Variants in ARIH1 observed in about 807,000 individuals in gnomAD.
ARIH1 encodes the protein E3 ubiquitin-protein ligase ARIH1.
ARIH1 carries 8 observed loss-of-function variants against 85.0 expected under a neutral mutation model. The observed-to-expected ratio is 0.09, with a 90% CI of 0.06 to 0.17. The LOEUF (loss-of-function observed/expected upper bound fraction) is 0.17, where lower values mean the gene tolerates loss of function less well. Among genes scored for constraint, ARIH1 ranks in the 10% least tolerant of loss-of-function variants. The pLI is 1.00. For missense variants in ARIH1, 311 were observed against 718.1 expected (o/e 0.43, Z 6.48); for synonymous variants, 238 against 253.6 (o/e 0.94, Z 0.59).
At chr15:72,566,299 A>G in intron 7 of ARIH1, 1 of 427,552 alleles carries the variant, frequency 2.3e-6, no homozygotes, top group East Asian at 4.2e-5. Context: ...CACCTTAGCA[A>G]CAATTATTAT....
At chr15:72,517,437 T>G (rs951168331) in intron 1 of ARIH1, among the ~76,000 whole-genome samples, 1 of 152,094 alleles carries the variant, frequency 6.6e-6, no homozygotes, top group African/African-American at 2.4e-5. Context: ...AAATTTTTTT[T>G]TTTTTGAGTC....
At position 72,479,022 on chromosome 15, in the gene ARIH1, A is replaced by G. The variant is rs528506355; in HGVS notation, c.375+4008A>G. On this transcript the variant is annotated intron_variant, in intron 1 of 13. Coordinates refer to ENST00000379887, the MANE Select transcript of ARIH1 (RefSeq NM_005744.5). ...CTAGCTAATTTTTTTTCTTTTTTGTAGAGACACAGGGTCTTGCTCTGTTGC... is the reference window on the plus strand; with the variant it reads ...CTAGCTAATTTTTTTTCTTTTTTGTGGAGACACAGGGTCTTGCTCTGTTGC... Among the ~76,000 whole-genome samples, 11 of 151,934 alleles carry G rather than the reference A, an allele frequency of 7.2e-5. No individual in the cohort carries two copies. In the South Asian group the frequency reaches 1.7e-3, roughly 23 times the overall value.
intron 1 of ARIH1, among the ~76,000 whole-genome samples, chr15:72,512,170 A>G (rs2063953614): frequency 6.6e-6 from 1 of 151,848 alleles, no homozygotes; most frequent in Non-Finnish European, 1.5e-5. Context: ...GGAAATTGGG[A>G]AGTGGTCCCT....
intron 3 of ARIH1, among the ~76,000 whole-genome samples, chr15:72,546,526 G>A (rs1329116238): frequency 2.6e-5 from 4 of 151,772 alleles, no homozygotes; most frequent in African/African-American, 9.7e-5. Flanking sequence ...GCCTTGCTCT[G>A]TTGTCTAGGC....
At chr15:72,498,474 G>C (rs574459371) in intron 1 of ARIH1, among the ~76,000 whole-genome samples, 1 of 152,140 alleles carries the variant, frequency 6.6e-6, no homozygotes, top group African/African-American at 2.4e-5. Context: ...TGTAAAGAAG[G>C]CTGAGTGTTT....
chr15:72,515,387 CT>C (rs1302783986), intron 1 of ARIH1, among the ~76,000 whole-genome samples: 5 of 152,042 alleles, frequency 3.3e-5, no homozygotes, highest in African/African-American at 1.2e-4. Context: ...CTTTAAAAGT[CT>C]TTGATAATTG....
chr15:72,555,210 C>T, intron 3 of ARIH1, 61 bp from the exon 4 acceptor site: 1 of 1,261,496 alleles, frequency 7.9e-7, no homozygotes, highest in Non-Finnish European at 1.2e-6. Flanking sequence ...TGTTGAGTCA[C>T]TGTTTATAGT....
intron 5 of ARIH1, among the ~76,000 whole-genome samples, chr15:72,560,278 G>C (rs560653722): frequency 6.6e-6 from 1 of 152,280 alleles, no homozygotes; most frequent in Non-Finnish European, 1.5e-5. Context: ...AGATGTTTAA[G>C]GTGCCATGAG....
At chr15:72,500,389 C>A (rs1311347150) in intron 1 of ARIH1, among the ~76,000 whole-genome samples, 9 of 152,134 alleles carry the variant, frequency 5.9e-5, no homozygotes, top group African/African-American at 1.2e-4. Flanking sequence ...CACTTTATGA[C>A]TTTATTTATT....
At chr15:72,564,443 T>A (rs1448839209) in intron 7 of ARIH1, among the ~76,000 whole-genome samples, 1 of 152,216 alleles carries the variant, frequency 6.6e-6, no homozygotes, top group East Asian at 1.9e-4. Flanking sequence ...ATTGAGGCAT[T>A]CCCTGCACTT....
rs556640790 is a variant in ARIH1 at position 72,587,466 on chromosome 15, A to G, written c.*4174A>G. The G allele has an allele frequency of 1.3e-4, 35 of 277,920 alleles. No individual in the cohort carries two copies. Among genetic ancestry groups the G allele is most frequent in the Non-Finnish European group, 2.0e-4 (28 of 141,730 alleles). The allele number at this position is 277,920 out of a possible 1,614,324, so 17.2% of individuals were successfully genotyped here. ...TAGTATGATTTGCTTAATAGTACCC[A>G]AGTAATTTGCAGTTGTTGGTTTAGT... On this transcript the variant is annotated 3_prime_UTR_variant, in exon 14 of 14. Transcript: ENST00000379887.
chr15:72,490,781 A>G (rs547931137), intron 1 of ARIH1, among the ~76,000 whole-genome samples: 2 of 152,230 alleles, frequency 1.3e-5, no homozygotes, highest in South Asian at 2.1e-4. Context: ...AAAGGAACCT[A>G]CTTAGCCAAA....
chr15:72,561,863 C>T (rs2064198859), intron 6 of ARIH1, among the ~76,000 whole-genome samples: 1 of 152,152 alleles, frequency 6.6e-6, no homozygotes, highest in South Asian at 2.1e-4. Context: ...ATCCGAGCTA[C>T]TCGGGAGGCT....
At chr15:72,572,200 A>C in intron 11 of ARIH1, 35 bp downstream of exon 11, 1 of 1,421,444 alleles carries the variant, frequency 7.0e-7, no homozygotes, top group Non-Finnish European at 9.8e-7. Context: ...TAGTTGACTA[A>C]GAATGCACGT....
intron 1 of ARIH1, among the ~76,000 whole-genome samples, chr15:72,504,242 A>G (rs1256663975): frequency 6.6e-6 from 1 of 151,944 alleles, no homozygotes; most frequent in African/African-American, 2.4e-5. Flanking sequence ...TTTAGTAGAG[A>G]TGGCGTTTTG....
intron 1 of ARIH1, among the ~76,000 whole-genome samples, chr15:72,505,351 TAACACAA>T (rs1204921412): frequency 1.3e-5 from 2 of 152,216 alleles, no homozygotes; most frequent in African/African-American, 4.8e-5. Context: ...TTTACTTTTT[TAACACAA>T]AAATGGAATA....
intron 11 of ARIH1, among the ~76,000 whole-genome samples, chr15:72,574,935 A>G (rs897624510): frequency 7.3e-6 from 1 of 136,782 alleles, no homozygotes. Context: ...AAAAAAAACA[A>G]AGAAGGTTTT....
intron 5 of ARIH1, 107 bp downstream of exon 5, chr15:72,556,014 A>C (rs1304147883): frequency 2.1e-6 from 2 of 959,876 alleles, no homozygotes; most frequent in African/African-American, 3.3e-5. Flanking sequence ...AAGTCTGAAG[A>C]AACTTTTTAA....
intron 1 of ARIH1, among the ~76,000 whole-genome samples, chr15:72,481,268 C>T (rs967483442): frequency 6.6e-6 from 1 of 152,178 alleles, no homozygotes; most frequent in African/African-American, 2.4e-5. Flanking sequence ...TCTGTTTTAA[C>T]AAGCCTTCTA....
Sources: allele counts gnomAD v4.1 joint callset (sites outside exome capture counted in the v4.1 genomes callset), GRCh38; gene constraint gnomAD v4.1.1; transcripts MANE v1.5; gene names NCBI Gene and HGNC (gene_info 2026-07-23, HGNC 2026-07-21).